Variants in RAPGEF4 observed in about 807,000 individuals in gnomAD.
RAPGEF4 encodes the protein RAP guanine-nucleotide-exchange factor (GEF) 4.
Under a neutral mutation model 147.9 loss-of-function variants are expected in RAPGEF4, and 66 were observed. The observed-to-expected ratio is 0.45, with a 90% confidence interval of 0.37 to 0.55. The LOEUF (loss-of-function observed/expected upper bound fraction) is 0.55, where lower values mean the gene tolerates loss of function less well. RAPGEF4 is among the 20% of genes least tolerant of loss of function. The pLI is 0.00. For synonymous variants in RAPGEF4, 419 were observed against 442.7 expected, an observed-to-expected ratio of 0.95 and a Z score of 0.67; for missense variants, 1,071 against 1,257.3, an observed-to-expected ratio of 0.85 and a Z score of 2.24.
chr2:173,005,528 T>TTTGTTG lies in RAPGEF4; in HGVS notation c.1658+4186_1658+4187insGTTGTT, dbSNP rs1553546855. Among the ~76,000 whole-genome samples, 207 of 137,008 alleles carry TTTGTTG rather than the reference T, an allele frequency of 1.5e-3. 1 individual carries two copies. The highest frequency in any genetic ancestry group is 5.4e-3 in the African/African-American group (196 of 36,300). 89.9% of individuals were successfully genotyped at this position (137,008 alleles called of 152,430 possible). ...TGTTGTTGTTGTTTTGTGTTTTTTT[T>TTTGTTG]TTTTTTTTTTTTTGAGACAGAGTCT... On this transcript the variant is annotated intron_variant, in intron 17 of 30. Transcript: ENST00000397081.
chr2:172,744,816 TG>T (rs1402295226), intron 1 of RAPGEF4, among the ~76,000 whole-genome samples: 2 of 148,666 alleles, frequency 1.3e-5, no homozygotes, highest in African/African-American at 4.9e-5. Context: ...TTCATGTAGT[TG>T]TTTTTTTTTA....
At chr2:172,913,097 T>G (rs903618995) in intron 4 of RAPGEF4, among the ~76,000 whole-genome samples, 5 of 152,058 alleles carry the variant, frequency 3.3e-5, no homozygotes, top group African/African-American at 1.2e-4. Flanking sequence ...GGTTTCACCA[T>G]GTTGGCCAAG....
At chr2:172,882,889 G>A (rs186980628) in intron 4 of RAPGEF4, among the ~76,000 whole-genome samples, 11 of 151,958 alleles carry the variant, frequency 7.2e-5, no homozygotes, top group South Asian at 4.2e-4. Context: ...TGAAGTCCTG[G>A]CTACTTGAAG....
At chr2:172,798,838 T>A (rs1301499937) in intron 3 of RAPGEF4, among the ~76,000 whole-genome samples, 1 of 152,188 alleles carries the variant, frequency 6.6e-6, no homozygotes, top group Non-Finnish European at 1.5e-5. Flanking sequence ...TGATACCCAT[T>A]GTAATGGAGG....
At chr2:172,915,294 A>T (rs570868552) in intron 4 of RAPGEF4, among the ~76,000 whole-genome samples, 6 of 152,334 alleles carry the variant, frequency 3.9e-5, no homozygotes, top group African/African-American at 1.4e-4. Context: ...CATCAACTGG[A>T]TATTATGGAT....
chr2:172,967,485 C>A (rs1280017588), intron 10 of RAPGEF4, 41 bp downstream of exon 10: 3 of 1,580,386 alleles, frequency 1.9e-6, no homozygotes, highest in South Asian at 1.2e-5. Context: ...GGTCCCAAGG[C>A]CGCCTAGTGC....
chr2:172,959,662 C>T (rs1364853817), intron 6 of RAPGEF4, among the ~76,000 whole-genome samples: 1 of 152,222 alleles, frequency 6.6e-6, no homozygotes, highest in Admixed American at 6.5e-5. Context: ...CATTTTTCTC[C>T]ACCGTTTGGA....
At chr2:172,958,355 A>ACTC (rs775805212) in intron 6 of RAPGEF4, among the ~76,000 whole-genome samples, 1 of 152,244 alleles carries the variant, frequency 6.6e-6, no homozygotes, top group African/African-American at 2.4e-5. Flanking sequence ...AAGAGGTGAG[A>ACTC]GGCTTAAGAA....
In RAPGEF4 at chr2:173,036,173, G is replaced by A; in HGVS notation, c.2749G>A (p.Glu917Lys). 6.2e-7 allele frequency: 1 copy of A among 1,613,158 alleles called. No individual in the cohort carries two copies. The highest frequency in any genetic ancestry group is 8.5e-7 in the Non-Finnish European group (1 of 1,179,494). The part of the protein sequence containing the change: ...RAYRLTVAKL[E>K]PPLIPFMPLL... The stretch of plus-strand genomic sequence containing the variant: ...CTACAGGCTGACAGTAGCTAAGCTG[G>A]AACCTCCTCTCATCCCCTTCATGCC... The change falls in exon 28 of 31, where the codon GAA becomes AAA. Residue 917 changes from glutamate to lysine, a missense_variant. Coordinates refer to ENST00000397081, the MANE Select transcript of RAPGEF4 (RefSeq NM_007023.4).
intron 6 of RAPGEF4, among the ~76,000 whole-genome samples, chr2:172,947,027 G>T (rs1409291176): frequency 6.6e-6 from 1 of 152,136 alleles, no homozygotes; most frequent in Non-Finnish European, 1.5e-5. Context: ...TTGCCTAAAC[G>T]TATTTGTGAA....
chr2:172,796,514 G>T (rs1686383231), intron 2 of RAPGEF4, among the ~76,000 whole-genome samples: 1 of 152,102 alleles, frequency 6.6e-6, no homozygotes. Context: ...GAACCCAGGA[G>T]GCCGAGGTTG....
intron 4 of RAPGEF4, chr2:172,860,148 G>T (rs139009475): frequency 8.2e-5 from 81 of 985,378 alleles, no homozygotes; most frequent in Non-Finnish European, 9.6e-5. Context: ...AATCAGTCCA[G>T]CTCTCATACA....
chr2:173,020,491 C>G lies in RAPGEF4; in HGVS notation c.2156-127C>G, dbSNP rs371082521. On this transcript the variant is annotated intron_variant, in intron 22 of 30. Coordinates refer to ENST00000397081, the MANE Select transcript of RAPGEF4 (RefSeq NM_007023.4). ...TTATTCCGTGGATCCCTTCAGTACT[C>G]TATTTTATGCAGTCACTCTGCGTGT... is the stretch of plus-strand genomic sequence containing the variant. 1.5e-3 allele frequency: 1,178 copies of G among 804,704 alleles called. 25 individuals are homozygous for G. The South Asian group carries it at 0.016, about 11-fold the overall frequency. 49.8% of individuals were successfully genotyped at this position (804,704 alleles called of 1,614,324 possible). A position where few individuals can be genotyped will look rare whatever the true frequency, so the allele number is the denominator to read the frequency against.
intron 23 of RAPGEF4, among the ~76,000 whole-genome samples, chr2:173,025,944 G>A (rs917947238): frequency 2.0e-5 from 3 of 152,206 alleles, no homozygotes; most frequent in Admixed American, 1.3e-4. Context: ...AGTAGCAGAC[G>A]TTGGCTTTCT....
chr2:173,012,141 C>G (rs2105875049), intron 17 of RAPGEF4, among the ~76,000 whole-genome samples: 1 of 152,264 alleles, frequency 6.6e-6, no homozygotes, highest in Non-Finnish European at 1.5e-5. Context: ...AGTACAAGGC[C>G]ATCAGAAAGG....
At chr2:173,010,769 T>C (rs992204086) in intron 17 of RAPGEF4, among the ~76,000 whole-genome samples, 1 of 152,210 alleles carries the variant, frequency 6.6e-6, no homozygotes, top group African/African-American at 2.4e-5. Context: ...TATAATCAAT[T>C]GTATACAAAG....
intron 1 of RAPGEF4, among the ~76,000 whole-genome samples, chr2:172,738,274 T>C (rs1693994429): frequency 6.6e-6 from 1 of 152,174 alleles, no homozygotes; most frequent in African/African-American, 2.4e-5. Flanking sequence ...TTTTAAATGC[T>C]ATCTTGATCT....
intron 4 of RAPGEF4, among the ~76,000 whole-genome samples, chr2:172,853,923 G>C (rs1446372010): frequency 6.6e-6 from 1 of 151,894 alleles, no homozygotes; most frequent in Non-Finnish European, 1.5e-5. Context: ...TTTGAAATTT[G>C]TTTAGACTTA....
intron 16 of RAPGEF4, among the ~76,000 whole-genome samples, chr2:173,000,517 ATGT>A (rs1693790423): frequency 2.0e-5 from 3 of 152,312 alleles, no homozygotes; most frequent in African/African-American, 7.2e-5. Context: ...TAGCCAGGGC[ATGT>A]TGTCTGCAAT....
Sources: gnomAD v4.1 joint callset for allele counts (sites outside exome capture counted in the v4.1 genomes callset) on GRCh38, gnomAD v4.1.1 for gene constraint, MANE v1.5 for transcripts, NCBI Gene and HGNC (gene_info 2026-07-23, HGNC 2026-07-21) for gene names.